Variants in DPF2 observed in about 807,000 individuals in gnomAD.
DPF2 encodes the protein zinc finger protein ubi-d4.
DPF2 carries 10 observed loss-of-function variants against 59.6 expected under a neutral mutation model. The observed-to-expected ratio is 0.17, with a 90% CI of 0.10 to 0.28. The LOEUF is 0.28. DPF2 is among the 10% of genes least tolerant of loss of function. DPF2 has a pLI of 1.00. For missense variants in DPF2, 315 were observed against 509.4 expected (o/e 0.62, Z 3.67); for synonymous variants, 189 against 190.6 (o/e 0.99, Z 0.07).
intron 1 of DPF2, among the ~76,000 whole-genome samples, chr11:65,337,861 A>G (rs182308282): frequency 2.6e-5 from 4 of 151,664 alleles, no homozygotes; most frequent in African/African-American, 7.3e-5. Flanking sequence ...CTGGAGTGCA[A>G]TGGCGCAATC....
At chr11:65,334,941 T>C (rs1425363204) in intron 1 of DPF2, among the ~76,000 whole-genome samples, 1 of 152,178 alleles carries the variant, frequency 6.6e-6, no homozygotes, top group Non-Finnish European at 1.5e-5. Context: ...CTCATCTGTC[T>C]TTGTCGTGGC....
Position 65,353,088 on chromosome 11 carries a change from T to A in DPF2, c.*1329T>A, listed in dbSNP as rs1411331115. ...TTTTTTAATGTTTTGAAATACAGCT[T>A]TTTTCCCCCCAAATTAAAATTTTTT... On this transcript the variant is annotated 3_prime_UTR_variant, in exon 11 of 11. Transcript: ENST00000528416. 6.6e-6 allele frequency: 1 copy of A among 152,028 alleles called. No individual in the cohort carries two copies. Among genetic ancestry groups the A allele is most frequent in the African/African-American group, 2.4e-5 (1 of 41,394 alleles). The allele number at this position is 152,028 out of a possible 1,614,324, so 9.4% of individuals were successfully genotyped here.
chr11:65,351,223 A>T (rs1354195528), intron 10 of DPF2, among the ~76,000 whole-genome samples: 2 of 152,230 alleles, frequency 1.3e-5, no homozygotes, highest in African/African-American at 4.8e-5. Flanking sequence ...ATTAAGGACT[A>T]ATTTTATTCA....
At chr11:65,348,977 A>C in intron 10 of DPF2, 46 bp downstream of exon 10, 1 of 1,597,972 alleles carries the variant, frequency 6.3e-7, no homozygotes, top group Non-Finnish European at 8.6e-7. Context: ...TTTATTAGTT[A>C]CTTGGAAAAT....
At chr11:65,333,977 G>T in intron 1 of DPF2, 59 bp downstream of exon 1, 1 of 1,595,802 alleles carries the variant, frequency 6.3e-7, no homozygotes, top group South Asian at 1.1e-5. Flanking sequence ...CCTGGGAGTA[G>T]GGGGCGGTGG....
intron 1 of DPF2, among the ~76,000 whole-genome samples, chr11:65,337,671 T>G (rs930924827): frequency 6.6e-6 from 1 of 151,386 alleles, no homozygotes; most frequent in African/African-American, 2.4e-5. Flanking sequence ...TGGTATAACC[T>G]TGGTTTACTG....
intron 9 of DPF2, chr11:65,347,571 C>G (rs993248906): frequency 7.2e-5 from 11 of 151,946 alleles, no homozygotes; most frequent in African/African-American, 2.4e-4. Flanking sequence ...TGAGCTCAAG[C>G]AGTCCTCCCA....
rs978698119 is a variant in DPF2, at chr11:65,354,031, A to C, written c.*2272A>C. On this transcript the variant is annotated 3_prime_UTR_variant, in exon 11 of 11. Coordinates refer to ENST00000528416, the MANE Select transcript of DPF2 (RefSeq NM_006268.5). ...TGAGATGGGTCTTGGAGAGTTGGAC[A>C]GTGTCAGCCGGTAGGACGGGGGTGC... 6.6e-6 allele frequency among the ~76,000 whole-genome samples: 1 copy of C among 152,212 alleles called. No homozygotes were observed. Among genetic ancestry groups the C allele is most frequent in the Non-Finnish European group, 1.5e-5 (1 of 68,040 alleles).
intron 1 of DPF2, among the ~76,000 whole-genome samples, chr11:65,339,242 TAA>T (rs561028492): frequency 1.4e-5 from 2 of 138,234 alleles, no homozygotes; most frequent in African/African-American, 2.6e-5. Flanking sequence ...CCTTGTCTCT[TAA>T]AAAAAAAAAA....
rs544169212 is a variant in DPF2 at position 65,351,267 on chromosome 11, T to A, written c.1100-416T>A. ...TAGAAGAATTCAGCCATAGTCAATA[T>A]TAATAAACAAGGAATGACCCAATTG... On this transcript the variant is annotated intron_variant, in intron 10 of 10. Transcript: ENST00000528416. Among the ~76,000 whole-genome samples, 11 of 152,308 alleles carry A rather than the reference T, an allele frequency of 7.2e-5. No homozygotes were observed. The East Asian group carries it at 2.1e-3, about 29-fold the overall frequency.
chr11:65,350,374 C>CTTTCT (rs1854658982), intron 10 of DPF2, among the ~76,000 whole-genome samples: 1 of 128,778 alleles, frequency 7.8e-6, no homozygotes, highest in African/African-American at 3.0e-5. Context: ...TTCTTTCTTT[C>CTTTCT]TTTTTTTTTT....
At chr11:65,347,021 CT>C (rs1309098680) in intron 9 of DPF2, 44 of 146,906 alleles carry the variant, frequency 3.0e-4, no homozygotes, top group East Asian at 3.9e-4. Flanking sequence ...TATTTATTTA[CT>C]TTTTTTTTTT....
chr11:65,343,988 C>CAGGGTA lies in DPF2; in HGVS notation c.562_567dup. On this transcript the variant is annotated splice_polypyrimidine_tract_variant and splice_region_variant and intron_variant, in intron 5 of 10. Transcript: ENST00000528416. ...AAGGGTGTCTCTTTGCTCTTCTTGG[C>CAGGGTA]AGGGTAAGGGTGTGGGCAGTGCCCG... 1 of 1,614,128 alleles carries CAGGGTA rather than the reference C, an allele frequency of 6.2e-7. No homozygotes were observed. Among genetic ancestry groups the CAGGGTA allele is most frequent in the Non-Finnish European group, 8.5e-7 (1 of 1,179,990 alleles).
At chr11:65,335,581 T>C (rs1950084575) in intron 1 of DPF2, among the ~76,000 whole-genome samples, 1 of 152,216 alleles carries the variant, frequency 6.6e-6, no homozygotes, top group African/African-American at 2.4e-5. Context: ...AGCCACTAAT[T>C]CCTGAATGCC....
chr11:65,348,978 CT>C, intron 10 of DPF2, 47 bp downstream of exon 10: 1 of 1,593,800 alleles, frequency 6.3e-7, no homozygotes, highest in South Asian at 1.1e-5. Flanking sequence ...TTATTAGTTA[CT>C]TGGAAAATAC....
At position 65,341,385 on chromosome 11, in the gene DPF2, G is replaced by A; in HGVS notation, c.302-14G>A. The A allele has an allele frequency of 1.9e-6, 3 of 1,614,092 alleles. No individual in the cohort carries two copies. Among genetic ancestry groups the A allele is most frequent in the Non-Finnish European group, 2.5e-6 (3 of 1,180,012 alleles). ...GCCCTTTTGAGCCTTGCTTTATCCT[G>A]ACCTTGCTTGCAGACACAGACCAGA... is the stretch of plus-strand genomic sequence containing the variant. On this transcript the variant is annotated splice_polypyrimidine_tract_variant and intron_variant, in intron 3 of 10. Coordinates refer to ENST00000528416, the MANE Select transcript of DPF2 (RefSeq NM_006268.5).
At chr11:65,346,459 G>A in intron 9 of DPF2, 100 bp downstream of exon 9, 6 of 1,074,600 alleles carry the variant, frequency 5.6e-6, no homozygotes, top group Non-Finnish European at 8.1e-6. Flanking sequence ...AAAGGGAGCA[G>A]GATCCCTCCC....
Position 65,341,544 on chromosome 11 carries a change from C to T in DPF2, c.447C>T (p.Thr149=). 6.2e-7 allele frequency: 1 copy of T among 1,614,108 alleles called. No individual in the cohort carries two copies. The highest frequency in any genetic ancestry group is 8.5e-7 in the Non-Finnish European group (1 of 1,180,026). The part of the protein sequence containing the change: ...DDDSLGEFPV[T]NSRARKRILE... ...ACAGCCTGGGCGAGTTTCCTGTGAC[C>T]AACAGTCGAGCGCGAAAGGTACAGG... The change falls in exon 4 of 11, where the codon ACC becomes ACT. Residue 149 remains threonine (T), a synonymous_variant. Coordinates refer to ENST00000528416, the MANE Select transcript of DPF2 (RefSeq NM_006268.5).
At chr11:65,338,295 C>A (rs1209500715) in intron 1 of DPF2, among the ~76,000 whole-genome samples, 3 of 152,166 alleles carry the variant, frequency 2.0e-5, no homozygotes, top group African/African-American at 4.8e-5. Context: ...GTTCTCTCTT[C>A]ATGAGATTCT....
Sources: allele counts gnomAD v4.1 joint callset (sites outside exome capture counted in the v4.1 genomes callset), GRCh38; gene constraint gnomAD v4.1.1; transcripts MANE v1.5; gene names NCBI Gene and HGNC (gene_info 2026-07-23, HGNC 2026-07-21).